Variants in RRM1 observed in about 807,000 individuals in gnomAD.
RRM1 encodes the protein ribonucleoside-diphosphate reductase large subunit.
RRM1 carries 19 observed loss-of-function variants against 101.5 expected under a neutral mutation model. That is an observed-to-expected ratio of 0.19 (90% confidence interval 0.13 to 0.27). The LOEUF (loss-of-function observed/expected upper bound fraction) is 0.27, where lower values mean the gene tolerates loss of function less well. Ranked by LOEUF, RRM1 falls within the 10% of genes least tolerant of loss-of-function variation. The probability of loss-of-function intolerance (pLI) is 1.00; values close to 1 mark genes in which losing one functional copy is unlikely to be tolerated. For missense variants in RRM1, 500 were observed against 962.9 expected, an observed-to-expected ratio of 0.52 and a Z score of 6.36; for synonymous variants, 298 against 323.4, an observed-to-expected ratio of 0.92 and a Z score of 0.84.
intron 1 of RRM1, among the ~76,000 whole-genome samples, chr11:4,099,037 G>A (rs74054321): frequency 0.011 from 1,746 of 152,306 alleles, 30 homozygotes; most frequent in African/African-American, 0.039. Context: ...GAAAAGGCAC[G>A]CATCCTTGGT....
intron 9 of RRM1, among the ~76,000 whole-genome samples, chr11:4,120,972 A>G (rs2094580947): frequency 6.6e-6 from 1 of 152,240 alleles, no homozygotes; most frequent in African/African-American, 2.4e-5. Flanking sequence ...GTGAGCCGAG[A>G]TTATACCACT....
chr11:4,124,726 C>G (rs1436157718), intron 12 of RRM1, among the ~76,000 whole-genome samples: 4 of 152,064 alleles, frequency 2.6e-5, no homozygotes, highest in Non-Finnish European at 4.4e-5. Context: ...AGATTTCACT[C>G]TGTTGCCCAA....
intron 4 of RRM1, 176 bp downstream of exon 4, chr11:4,107,711 G>A (rs2094560142): frequency 3.5e-6 from 2 of 579,044 alleles, no homozygotes; most frequent in Non-Finnish European, 6.1e-6. Context: ...TATTTTTCCA[G>A]AGCTATTTTG....
At chr11:4,095,769 T>C (rs1042121873) in intron 1 of RRM1, among the ~76,000 whole-genome samples, 1 of 152,124 alleles carries the variant, frequency 6.6e-6, no homozygotes, top group Non-Finnish European at 1.5e-5. Flanking sequence ...AAGTGCCCGC[T>C]TTGTGCCCAG....
Position 4,119,891 on chromosome 11 carries a change from A to C in RRM1, c.839A>C (p.Asn280Thr). The C allele has an allele frequency of 6.2e-7, 1 of 1,607,672 alleles. No homozygotes were observed. Among genetic ancestry groups the C allele is most frequent in the South Asian group, 1.1e-5 (1 of 90,788 alleles). The change falls in exon 9 of 19, where the codon AAC (asparagine) becomes ACC (threonine). Residue 280 changes from asparagine (N) to threonine (T), a missense_variant. Around this residue, in one of 9 missense-constraint regions of RRM1, gnomAD observed 111 missense variants for 219.8 expected, o/e 0.51. Coordinates refer to ENST00000300738, the MANE Select transcript of RRM1 (RefSeq NM_001033.5). ...NGLVPMLRVY[N>T]NTARYVDQGG... ...CTTGTACCGATGCTGAGAGTATATAACAACACAGCTCGATATGTGGATCAA... is the reference window on the plus strand; with the variant it reads ...CTTGTACCGATGCTGAGAGTATATACCAACACAGCTCGATATGTGGATCAA...
rs890616925 is a variant in RRM1 at position 4,120,891 on chromosome 11, C to G, written c.877-713C>G. Among the ~76,000 whole-genome samples, 5 of 152,084 alleles carry G rather than the reference C, an allele frequency of 3.3e-5. 1 individual carries two copies. The South Asian group carries it at 1.0e-3, about 32-fold the overall frequency. On this transcript the variant is annotated intron_variant, in intron 9 of 18. Transcript: ENST00000300738. ...AAAATTAACCGGGTGTGGTGGCGAA[C>G]GCCTGTAGTTTCAGCTTCTCTGGAG...
At chr11:4,133,398 TCG>T (rs1223991889) in intron 16 of RRM1, among the ~76,000 whole-genome samples, 163 bp from the exon 17 acceptor site, 2 of 152,232 alleles carry the variant, frequency 1.3e-5, no homozygotes, top group African/African-American at 4.8e-5. Context: ...AATATAGCTT[TCG>T]TGTGGTGGCA....
rs2094541029 is a variant in RRM1, at chr11:4,094,992, G to A, written c.-21G>A. ...CCGCAGTCCAGTCTTGGATCCTTCAGAGCCTCAGCCACTAGCTGCGATGCA... is the reference window on the plus strand; with the variant it reads ...CCGCAGTCCAGTCTTGGATCCTTCAAAGCCTCAGCCACTAGCTGCGATGCA... On this transcript the variant is annotated 5_prime_UTR_variant, in exon 1 of 19. Coordinates refer to ENST00000300738, the MANE Select transcript of RRM1 (RefSeq NM_001033.5). 1.3e-6 allele frequency: 2 copies of A among 1,560,504 alleles called. No homozygotes were observed. The highest frequency in any genetic ancestry group is 8.7e-7 in the Non-Finnish European group (1 of 1,152,214).
chr11:4,103,368 T>G (rs1288393574), intron 2 of RRM1, among the ~76,000 whole-genome samples: 1 of 152,134 alleles, frequency 6.6e-6, no homozygotes, highest in Non-Finnish European at 1.5e-5. Flanking sequence ...AACTTAAGAG[T>G]CCATCCCATT....
In RRM1 at chr11:4,118,380, A is replaced by G. The variant is rs756652715; in HGVS notation, c.711A>G (p.Gln237=). The G allele has an allele frequency of 4.3e-6, 7 of 1,614,114 alleles. No individual in the cohort carries two copies. The highest frequency in any genetic ancestry group is 3.3e-5 in the South Asian group (3 of 91,078). Residue 237 remains glutamine, a synonymous_variant, in exon 8 of 19, where the codon CAA becomes CAG. Coordinates refer to ENST00000300738, the MANE Select transcript of RRM1 (RefSeq NM_001033.5). The part of the protein sequence containing the change: ...SIEGIYDTLK[Q]CALISKSAGG... ...AAGGCATTTATGACACTCTAAAGCA[A>G]TGTGCATTGATTTCTAAGTCTGCTG...
At chr11:4,111,722 C>A in intron 6 of RRM1, 82 bp downstream of exon 6, 1 of 1,291,882 alleles carries the variant, frequency 7.7e-7, no homozygotes, top group South Asian at 1.4e-5. Flanking sequence ...TCTTAATATT[C>A]TTGCTTAGAC....
At chr11:4,095,082 C>A in intron 1 of RRM1, 51 bp downstream of exon 1, 1 of 1,547,372 alleles carries the variant, frequency 6.5e-7, no homozygotes, top group Non-Finnish European at 8.7e-7. Context: ...ATGCGGGCTG[C>A]CGCCGCCGGA....
At chr11:4,130,086 A>ATATATATATATATATATATTT (rs1202870487) in intron 15 of RRM1, among the ~76,000 whole-genome samples, 3 of 99,446 alleles carry the variant, frequency 3.0e-5, no homozygotes, top group African/African-American at 1.6e-4. Context: ...ATATATATAT[A>ATATATATATATATATATATTT]TTTTTTTTTT....
chr11:4,138,197 T>C lies in RRM1; in HGVS notation c.2193T>C (p.Gly731=), dbSNP rs1228409926. The C allele has an allele frequency of 1.3e-6, 2 of 1,542,916 alleles. No individual in the cohort carries two copies. The highest frequency in any genetic ancestry group is 8.9e-7 in the Non-Finnish European group (1 of 1,124,566). ...AATTGTCTTTACTTTCCTTGTAGGG[T>C]TTGAAGACTGGGATGTATTATTTAA... is the stretch of plus-strand genomic sequence containing the variant. The part of the protein sequence containing the change: ...TSMHFYGWKQ[G]LKTGMYYLRT... Residue 731 remains glycine (G), a splice_region_variant and synonymous_variant, in exon 19 of 19, where the codon GGT becomes GGC. Coordinates refer to ENST00000300738, the MANE Select transcript of RRM1 (RefSeq NM_001033.5).
chr11:4,129,837 C>CAAAATAATAAT (rs2094596140), intron 15 of RRM1, among the ~76,000 whole-genome samples: 1 of 151,490 alleles, frequency 6.6e-6, no homozygotes, highest in Non-Finnish European at 1.5e-5. Context: ...AACCGTTTGC[C>CAAAATAATAAT]TTAAAATTGT....
At chr11:4,128,234 C>T (rs1302289793) in intron 14 of RRM1, among the ~76,000 whole-genome samples, 1 of 145,350 alleles carries the variant, frequency 6.9e-6, no homozygotes, top group Non-Finnish European at 1.5e-5. Flanking sequence ...GATCTTAGAT[C>T]ACTGCAACCT....
chr11:4,109,897 A>G (rs1231459331), intron 5 of RRM1, among the ~76,000 whole-genome samples, 194 bp downstream of exon 5: 1 of 152,134 alleles, frequency 6.6e-6, no homozygotes, highest in Non-Finnish European at 1.5e-5. Flanking sequence ...GCAGTTTTTG[A>G]ATTTTCCACA....
intron 7 of RRM1, 101 bp from the exon 8 acceptor site, chr11:4,118,218 CT>C (rs2094576546): frequency 2.7e-6 from 3 of 1,098,388 alleles, no homozygotes; most frequent in Admixed American, 5.0e-5. Context: ...TAAACTTCAA[CT>C]CTTTTTTTTT....
chr11:4,108,874 A>G (rs2094561814), intron 4 of RRM1, among the ~76,000 whole-genome samples: 1 of 152,194 alleles, frequency 6.6e-6, no homozygotes, highest in Admixed American at 6.5e-5. Context: ...AGAGAAAAGG[A>G]AAGCAAGCTT....
Sources: gnomAD v4.1 joint callset for allele counts (sites outside exome capture counted in the v4.1 genomes callset) on GRCh38, gnomAD v4.1.1 for gene constraint, gnomAD v4.1.1 regional missense constraint, MANE v1.5 for transcripts, NCBI Gene and HGNC (gene_info 2026-07-23, HGNC 2026-07-21) for gene names.